Variants in CSMD1 observed in about 807,000 individuals in gnomAD.
CSMD1 encodes CUB and sushi domain-containing protein 1.
CSMD1 carries 213 observed loss-of-function variants against 417.5 expected under a neutral mutation model. That is an observed-to-expected ratio of 0.51 (90% CI 0.46 to 0.57). The LOEUF (loss-of-function observed/expected upper bound fraction) is 0.57. Ranked by LOEUF, CSMD1 falls within the 20% of genes least tolerant of loss-of-function variation. The pLI is 0.00. For missense variants in CSMD1, 6,923 were observed against 4,529.7 expected (o/e 1.53, Z -15.17); for synonymous variants, 2,862 against 1,736.8 (o/e 1.65, Z -16.11).
At chr8:4,135,096 T>C (rs1328958477) in intron 3 of CSMD1, among the ~76,000 whole-genome samples, 1 of 152,146 alleles carries the variant, frequency 6.6e-6, no homozygotes, top group African/African-American at 2.4e-5. Context: ...AATTCTTCCA[T>C]AATAAATAAT....
chr8:4,339,784 G>A (rs1800371661), intron 3 of CSMD1, among the ~76,000 whole-genome samples: 1 of 152,098 alleles, frequency 6.6e-6, no homozygotes, highest in Non-Finnish European at 1.5e-5. Flanking sequence ...AATGCTTTGG[G>A]AGAATGAGGT....
At chr8:4,987,232 G>T (rs530612573) in intron 1 of CSMD1, among the ~76,000 whole-genome samples, 34 of 152,238 alleles carry the variant, frequency 2.2e-4, no homozygotes, top group African/African-American at 7.0e-4. Context: ...AAGAAGCCAT[G>T]GAATTTGCAT....
chr8:3,176,825 C>G (rs1329024563), intron 37 of CSMD1, among the ~76,000 whole-genome samples: 1 of 150,244 alleles, frequency 6.7e-6, no homozygotes, highest in African/African-American at 2.5e-5. Flanking sequence ...GTCTCCCAGG[C>G]TAAAGTGCAG....
intron 5 of CSMD1, among the ~76,000 whole-genome samples, chr8:3,813,475 T>G (rs149865286): frequency 0.011 from 1,716 of 152,254 alleles, 36 homozygotes; most frequent in African/African-American, 0.039. Flanking sequence ...TGTCGTATCT[T>G]TTGGACTTTT....
chr8:3,826,622 A>G lies in CSMD1; in HGVS notation c.819-72580T>C, dbSNP rs183799269. On this transcript the variant is annotated intron_variant, in intron 5 of 69. Transcript: ENST00000635120. ...CTTTCCTCTCAGTCCCGTTCTGCTG[A>G]GTATTACATCTGGATTCTCTGTTTA... 2.1e-3 allele frequency among the ~76,000 whole-genome samples: 322 copies of G among 152,198 alleles called. 1 individual carries two copies. The highest frequency in any genetic ancestry group is 6.3e-3 in the African/African-American group (260 of 41,550).
At chr8:3,037,468 TATA>T (rs1436660675) in intron 50 of CSMD1, among the ~76,000 whole-genome samples, 1 of 152,080 alleles carries the variant, frequency 6.6e-6, no homozygotes, top group Non-Finnish European at 1.5e-5. Flanking sequence ...TCGGCCTCCC[TATA>T]CCGCACTTTC....
chr8:3,848,495 C>CA (rs151082029), intron 5 of CSMD1, among the ~76,000 whole-genome samples: 27,941 of 152,002 alleles, frequency 0.18, 2,726 homozygotes, highest in East Asian at 0.4. Context: ...TGGATTTATA[C>CA]TTTCCGATTT....
At chr8:3,432,315 G>GA (rs951877677) in intron 12 of CSMD1, among the ~76,000 whole-genome samples, 3 of 151,840 alleles carry the variant, frequency 2.0e-5, no homozygotes, top group African/African-American at 4.8e-5. Flanking sequence ...ACGGTTAAAA[G>GA]AAAAAAAATC....
chr8:4,868,882 G>C (rs1181256647), intron 1 of CSMD1, among the ~76,000 whole-genome samples: 1 of 151,934 alleles, frequency 6.6e-6, no homozygotes, highest in Admixed American at 6.6e-5. Flanking sequence ...AGGATTGAAT[G>C]AAGTAATATT....
intron 12 of CSMD1, among the ~76,000 whole-genome samples, chr8:3,444,847 G>C (rs1320455921): frequency 6.6e-6 from 1 of 152,104 alleles, no homozygotes; most frequent in Non-Finnish European, 1.5e-5. Context: ...AATACAAAAA[G>C]AAGCAACAGA....
chr8:4,240,037 G>A (rs564617138), intron 3 of CSMD1, among the ~76,000 whole-genome samples: 1 of 152,096 alleles, frequency 6.6e-6, no homozygotes, highest in Admixed American at 6.5e-5. Flanking sequence ...CATATTTCTT[G>A]ACAAGAAAAT....
At chr8:4,170,262 C>T (rs773618401) in intron 3 of CSMD1, among the ~76,000 whole-genome samples, 1 of 151,780 alleles carries the variant, frequency 6.6e-6, no homozygotes, top group Non-Finnish European at 1.5e-5. Flanking sequence ...TTGAATTACC[C>T]CCTTGCCTTG....
chr8:3,476,856 C>T (rs913538997), intron 11 of CSMD1, among the ~76,000 whole-genome samples: 11 of 145,564 alleles, frequency 7.6e-5, no homozygotes, highest in Non-Finnish European at 1.5e-4. Flanking sequence ...AAGCAGAGGT[C>T]GCAGTGAGCC....
chr8:4,085,488 G>A (rs1800370302), intron 3 of CSMD1, among the ~76,000 whole-genome samples: 1 of 152,104 alleles, frequency 6.6e-6, no homozygotes, highest in Non-Finnish European at 1.5e-5. Flanking sequence ...AAACCCCTTG[G>A]ATACTCCAAT....
chr8:4,684,348 C>G (rs1415067947), intron 1 of CSMD1, among the ~76,000 whole-genome samples: 1 of 152,192 alleles, frequency 6.6e-6, no homozygotes, highest in Non-Finnish European at 1.5e-5. Flanking sequence ...AACCTACCTT[C>G]TTGATTCTCA....
intron 10 of CSMD1, among the ~76,000 whole-genome samples, chr8:3,496,780 C>T (rs902097506): frequency 1.3e-5 from 2 of 152,144 alleles, no homozygotes; most frequent in East Asian, 1.9e-4. Context: ...GACCTGAGAT[C>T]ACCACCGCCA....
chr8:4,405,830 C>T (rs1804979458), intron 3 of CSMD1, among the ~76,000 whole-genome samples: 1 of 152,134 alleles, frequency 6.6e-6, no homozygotes, highest in Admixed American at 6.5e-5. Flanking sequence ...TGCGTGCCTC[C>T]AAGACACAGC....
intron 5 of CSMD1, among the ~76,000 whole-genome samples, chr8:3,925,289 C>G (rs1392291324): frequency 6.6e-6 from 1 of 152,144 alleles, no homozygotes; most frequent in Non-Finnish European, 1.5e-5. Context: ...TACAATAACC[C>G]AAGAGGTGAA....
At chr8:3,175,752 G>A (rs1355520525) in intron 37 of CSMD1, among the ~76,000 whole-genome samples, 3 of 152,126 alleles carry the variant, frequency 2.0e-5, no homozygotes, top group African/African-American at 7.2e-5. Context: ...ATGTAAGAAA[G>A]AGTAACTTAA....
Sources: gnomAD v4.1 joint callset for allele counts (sites outside exome capture counted in the v4.1 genomes callset) on GRCh38, gnomAD v4.1.1 for gene constraint, MANE v1.5 for transcripts, NCBI Gene and HGNC (gene_info 2026-07-23, HGNC 2026-07-21) for gene names.